PTPRD: variants seen among roughly 807,000 people sequenced by gnomAD.
PTPRD encodes the protein protein tyrosine phosphatase receptor type D.
In PTPRD, 34 loss-of-function variants were observed where a neutral mutation model predicts 214.5. That is an observed-to-expected ratio of 0.16 (90% CI 0.12 to 0.21). PTPRD has a LOEUF of 0.21. Among genes scored for constraint, PTPRD ranks in the 10% least tolerant of loss-of-function variants. The pLI is 1.00. For synonymous variants in PTPRD, 1,128 were observed against 845.7 expected (o/e 1.33, Z -5.79); for missense variants, 2,545 against 2,398.7 (o/e 1.06, Z -1.27).
At chr9:8,828,771 A>G (rs1384292706) in intron 11 of PTPRD, among the ~76,000 whole-genome samples, 3 of 152,202 alleles carry the variant, frequency 2.0e-5, no homozygotes, top group Non-Finnish European at 1.5e-5. Flanking sequence ...GATTCATTAT[A>G]AAGCTTTAAC....
intron 2 of PTPRD, among the ~76,000 whole-genome samples, chr9:10,501,889 A>G (rs1566558756): frequency 2.0e-5 from 3 of 151,920 alleles, no homozygotes; most frequent in Non-Finnish European, 2.9e-5. Context: ...AGTATTAAAA[A>G]AATTACCCTT....
chr9:8,443,404 G>A (rs550557290), intron 34 of PTPRD, among the ~76,000 whole-genome samples: 1 of 152,180 alleles, frequency 6.6e-6, no homozygotes, highest in Non-Finnish European at 1.5e-5. Context: ...AGAAGAGACA[G>A]CTCAAGAGCT....
chr9:10,106,237 C>T (rs1326679431), intron 3 of PTPRD, among the ~76,000 whole-genome samples: 3 of 151,720 alleles, frequency 2.0e-5, no homozygotes, highest in Admixed American at 6.6e-5. Context: ...TTCTATTCTG[C>T]AATATATTGT....
chr9:9,098,457 C>T (rs922046620), intron 10 of PTPRD, among the ~76,000 whole-genome samples: 2 of 152,100 alleles, frequency 1.3e-5, no homozygotes, highest in Admixed American at 6.6e-5. Flanking sequence ...CCATGTTGGC[C>T]AGTCTGGTGT....
At chr9:9,383,804 C>T (rs751555208) in intron 9 of PTPRD, among the ~76,000 whole-genome samples, 8 of 152,134 alleles carry the variant, frequency 5.3e-5, no homozygotes, top group Non-Finnish European at 1.0e-4. Flanking sequence ...TCAGCAAGGA[C>T]GTTCAGCTCA....
rs115878363 is a variant in PTPRD, at chr9:10,026,959, C to T, written c.-472+6759G>A. Among the ~76,000 whole-genome samples, 950 of 151,846 alleles carry T rather than the reference C, an allele frequency of 6.3e-3. 9 individuals are homozygous for T. The highest frequency in any genetic ancestry group is 0.021 in the African/African-American group (881 of 41,414). ...CAGGTGACAGAGAAATAGCTCCAAT[C>T]GATTTTAACATCCCATTAAAGGCAG... On this transcript the variant is annotated intron_variant, in intron 4 of 45. Coordinates refer to ENST00000381196, the MANE Select transcript of PTPRD (RefSeq NM_002839.4).
intron 11 of PTPRD, among the ~76,000 whole-genome samples, chr9:8,937,232 A>G (rs1240258443): frequency 1.3e-5 from 2 of 152,178 alleles, no homozygotes; most frequent in Admixed American, 1.3e-4. Flanking sequence ...GCATCACAGG[A>G]GGCATGAAAA....
chr9:9,276,059 T>C (rs1403076028), intron 9 of PTPRD, among the ~76,000 whole-genome samples: 1 of 151,398 alleles, frequency 6.6e-6, no homozygotes, highest in Non-Finnish European at 1.5e-5. Context: ...AAGTAGGTTA[T>C]AGCTCAGCTA....
At chr9:10,154,649 C>T (rs1043166087) in intron 3 of PTPRD, among the ~76,000 whole-genome samples, 4 of 151,862 alleles carry the variant, frequency 2.6e-5, no homozygotes, top group African/African-American at 4.8e-5. Context: ...ATATGGGGTC[C>T]AGTTTCAGTC....
At chr9:9,628,400 G>A (rs1016060506) in intron 7 of PTPRD, among the ~76,000 whole-genome samples, 6 of 151,958 alleles carry the variant, frequency 3.9e-5, no homozygotes, top group African/African-American at 1.5e-4. Flanking sequence ...CCTTTCTGCT[G>A]GCATCTTTGA....
intron 2 of PTPRD, among the ~76,000 whole-genome samples, chr9:10,555,933 G>A (rs1455940300): frequency 6.6e-6 from 1 of 152,058 alleles, no homozygotes; most frequent in Non-Finnish European, 1.5e-5. Flanking sequence ...AGAGAATAGA[G>A]AAAATACAGG....
intron 9 of PTPRD, among the ~76,000 whole-genome samples, chr9:9,379,553 T>C (rs2061624616): frequency 6.6e-6 from 1 of 152,060 alleles, no homozygotes; most frequent in Non-Finnish European, 1.5e-5. Context: ...TTTAGAATCA[T>C]TTCGTCAGTA....
intron 8 of PTPRD, among the ~76,000 whole-genome samples, chr9:9,538,090 A>G (rs80025309): frequency 0.016 from 2,382 of 151,958 alleles, 35 homozygotes; most frequent in Admixed American, 0.025. Flanking sequence ...TTCTTGGTAC[A>G]CTTTCTATAC....
At chr9:10,595,201 G>A (rs1208331976) in intron 2 of PTPRD, among the ~76,000 whole-genome samples, 2 of 151,706 alleles carry the variant, frequency 1.3e-5, no homozygotes, top group East Asian at 3.9e-4. Context: ...GAAATCCATA[G>A]GACTGTATTA....
chr9:9,206,574 T>G (rs1040026436), intron 9 of PTPRD, among the ~76,000 whole-genome samples: 1 of 152,172 alleles, frequency 6.6e-6, no homozygotes, highest in Non-Finnish European at 1.5e-5. Context: ...ACCCTCAATG[T>G]GGGTGGGCAC....
At chr9:9,312,673 TGCCCTGAGC>T (rs1959598879) in intron 9 of PTPRD, among the ~76,000 whole-genome samples, 2 of 152,186 alleles carry the variant, frequency 1.3e-5, no homozygotes, top group South Asian at 4.1e-4. Flanking sequence ...TCCTGTGTTG[TGCCCTGAGC>T]TGCCAAGATA....
chr9:9,707,262 T>C (rs2097640073), intron 7 of PTPRD, among the ~76,000 whole-genome samples: 1 of 152,306 alleles, frequency 6.6e-6, no homozygotes, highest in Non-Finnish European at 1.5e-5. Flanking sequence ...CAGTGTGCTG[T>C]TAAAACAAAA....
chr9:10,331,484 T>C (rs938664144), intron 3 of PTPRD, among the ~76,000 whole-genome samples: 1 of 151,822 alleles, frequency 6.6e-6, no homozygotes, highest in Non-Finnish European at 1.5e-5. Context: ...TCACAGTTTT[T>C]TTGTGTTTTA....
rs548616650 is a variant in PTPRD, at chr9:8,318,538, C to T, written c.5671-596G>A. ...GTCTCTCTCACTTACATATGATGTT[C>T]ATATACAGCCAGAAGGTAGCTGGTG... On this transcript the variant is annotated intron_variant, in intron 45 of 45. Coordinates refer to ENST00000381196, the MANE Select transcript of PTPRD (RefSeq NM_002839.4). Among the ~76,000 whole-genome samples the T allele has an allele frequency of 3.4e-4, 51 of 152,174 alleles. 1 individual carries two copies. The highest frequency in any genetic ancestry group is 1.2e-3 in the African/African-American group (49 of 41,528).
Sources: gnomAD v4.1 joint callset for allele counts (sites outside exome capture counted in the v4.1 genomes callset) on GRCh38, gnomAD v4.1.1 for gene constraint, MANE v1.5 for transcripts, NCBI Gene and HGNC (gene_info 2026-07-23, HGNC 2026-07-21) for gene names.